The following DMD variants were observed in gnomAD, a reference collection of about 807,000 sequenced individuals.
The protein encoded by DMD is dystrophin, also known as mutant dystrophin.
DMD carries 63 observed loss-of-function variants against 330.1 expected under a neutral mutation model. The ratio of observed to expected loss-of-function variants is 0.19; its 90% CI spans 0.16 to 0.24. The LOEUF is 0.24. Among genes scored for constraint, DMD ranks in the 10% least tolerant of loss-of-function variants. The pLI, the probability that DMD is intolerant of heterozygous loss-of-function variation, is 1.00. For missense variants in DMD, 3,344 were observed against 2,684.1 expected, an observed-to-expected ratio of 1.25 and a Z score of -5.43; for synonymous variants, 1,223 against 959.8, an observed-to-expected ratio of 1.27 and a Z score of -5.07.
At chrX:31,272,785 CCTT>C (rs201599408) in intron 62 of DMD, among the ~76,000 whole-genome samples, 2,467 of 112,285 alleles carry the variant, frequency 0.022, 50 homozygotes, top group African/African-American at 0.065. Flanking sequence ...AAAGATTCCT[CCTT>C]CTTGACTCCA....
rs2052668552 is a variant in DMD, at chrX:32,573,549, G to A, written c.1793C>T (p.Ser598Leu). The change falls in exon 15 of 79, where the codon TCA becomes TTA. Residue 598 changes from serine to leucine, a missense_variant. Physicochemically the swap from Ser to Leu is moderately radical, Grantham distance 145. Transcript: ENST00000357033. Reference sequence around the variant, plus strand: ...ACATACGGCCAGTTTTTGAAGACTTGATAACATTTCATTTTGATCTTTAAA... The same window carrying A: ...ACATACGGCCAGTTTTTGAAGACTTAATAACATTTCATTTTGATCTTTAAA... ...TGFKDQNEML[S>L]SLQKLAVLKA... 8.3e-7 allele frequency: 1 copy of A among 1,210,706 alleles called. No individual in the cohort carries two copies. Among genetic ancestry groups the A allele is most frequent in the Non-Finnish European group, 1.1e-6 (1 of 894,637 alleles).
chrX:31,948,807 T>C (rs1322903730), intron 45 of DMD, among the ~76,000 whole-genome samples: 2 of 112,064 alleles, frequency 1.8e-5, no homozygotes, highest in Admixed American at 9.5e-5. Flanking sequence ...AATAAGCTTT[T>C]CTTCTATTGG....
At chrX:32,357,953 C>T (rs181275735) in intron 37 of DMD, among the ~76,000 whole-genome samples, 2,738 of 109,714 alleles carry the variant, frequency 0.025, 92 homozygotes, top group African/African-American at 0.086. Context: ...GACTGCTAAA[C>T]TCACTTACCA....
At chrX:32,640,495 C>T (rs925971922) in intron 11 of DMD, among the ~76,000 whole-genome samples, 3 of 110,077 alleles carry the variant, frequency 2.7e-5, no homozygotes, top group East Asian at 5.7e-4. Context: ...TCTTGTTTTG[C>T]ATAATTGTTG....
chrX:32,280,144 GTATATATATATATATATACAGTATATA>G (rs1163608596), intron 43 of DMD, among the ~76,000 whole-genome samples: 1,079 of 46,148 alleles, frequency 0.023, 11 homozygotes, highest in Non-Finnish European at 0.037. Context: ...TATATATACA[GTATATATATATATATATACAGTATATA>G]TATATATATA....
chrX:33,295,054 G>T (rs186763173), intron 1 of DMD, among the ~76,000 whole-genome samples: 2 of 111,325 alleles, frequency 1.8e-5, no homozygotes, highest in East Asian at 5.6e-4. Flanking sequence ...ATTTACTATG[G>T]ATTGTGAAAG....
intron 34 of DMD, among the ~76,000 whole-genome samples, chrX:32,377,582 G>C (rs2097908900): frequency 9.0e-6 from 1 of 111,506 alleles, no homozygotes; most frequent in Admixed American, 9.6e-5. Flanking sequence ...ATTAGATATA[G>C]GGCCAAGTAT....
At chrX:31,341,361 G>A (rs1229421429) in intron 61 of DMD, among the ~76,000 whole-genome samples, 1 of 111,323 alleles carries the variant, frequency 9.0e-6, no homozygotes, top group East Asian at 2.8e-4. Context: ...TCTTACAATT[G>A]ACCAAATATG....
chrX:32,888,684 G>T (rs985709146), intron 2 of DMD, among the ~76,000 whole-genome samples: 3 of 111,962 alleles, frequency 2.7e-5, no homozygotes, highest in African/African-American at 9.8e-5. Context: ...AATGACATCA[G>T]TATATCAAGT....
intron 48 of DMD, among the ~76,000 whole-genome samples, chrX:31,867,883 C>T (rs1043941299): frequency 2.7e-5 from 3 of 110,765 alleles, no homozygotes; most frequent in Non-Finnish European, 5.7e-5. Context: ...AATTTCTTGT[C>T]GAATGAATCA....
intron 27 of DMD, among the ~76,000 whole-genome samples, chrX:32,445,333 T>C (rs1427840641): frequency 1.8e-5 from 2 of 110,455 alleles, no homozygotes; most frequent in Non-Finnish European, 3.8e-5. Context: ...GGAACAGCAG[T>C]TGTGAGCAGC....
chrX:33,117,384 G>A (rs2095393057), intron 1 of DMD, among the ~76,000 whole-genome samples: 1 of 110,779 alleles, frequency 9.0e-6, no homozygotes, highest in Admixed American at 9.8e-5. Context: ...AATTATAATG[G>A]CAACTATGTG....
intron 1 of DMD, among the ~76,000 whole-genome samples, chrX:33,053,467 G>A (rs1175065414): frequency 1.8e-5 from 2 of 109,946 alleles, no homozygotes; most frequent in African/African-American, 6.6e-5. Flanking sequence ...ATGGTGGCAC[G>A]CACCTGTAGT....
chrX:32,529,965 TCACTC>T (rs2047326844), intron 17 of DMD, among the ~76,000 whole-genome samples: 2 of 111,336 alleles, frequency 1.8e-5, no homozygotes, highest in South Asian at 7.6e-4. Flanking sequence ...TTTAAGCACA[TCACTC>T]ATAAAATAAT....
At chrX:31,782,972 T>C (rs1281907251) in intron 50 of DMD, among the ~76,000 whole-genome samples, 3 of 111,350 alleles carry the variant, frequency 2.7e-5, no homozygotes, top group Non-Finnish European at 5.7e-5. Context: ...AAGTAGAGTA[T>C]GTAATAATAA....
intron 2 of DMD, among the ~76,000 whole-genome samples, chrX:32,887,255 G>A (rs1273430646): frequency 9.1e-6 from 1 of 110,282 alleles, no homozygotes; most frequent in Non-Finnish European, 1.9e-5. Context: ...GCTGAGGCAG[G>A]AGAATGGTGT....
chrX:33,046,289 G>C (rs1331513150), intron 1 of DMD, among the ~76,000 whole-genome samples: 1 of 111,254 alleles, frequency 9.0e-6, no homozygotes, highest in African/African-American at 3.3e-5. Flanking sequence ...ATTTAATTTA[G>C]CTATAGAAAA....
At chrX:31,360,243 T>C (rs1366157343) in intron 60 of DMD, among the ~76,000 whole-genome samples, 1 of 111,751 alleles carries the variant, frequency 8.9e-6, no homozygotes, top group Non-Finnish European at 1.9e-5. Context: ...TTAATAATTA[T>C]TTTAAAATTG....
intron 37 of DMD, among the ~76,000 whole-genome samples, chrX:32,362,281 T>A (rs1222127402): frequency 1.8e-5 from 1 of 54,548 alleles, no homozygotes; most frequent in East Asian, 7.4e-4. Context: ...GCACAACCAG[T>A]AAAGAGGTAA....
Sources: allele counts gnomAD v4.1 joint callset (sites outside exome capture counted in the v4.1 genomes callset), GRCh38; gene constraint gnomAD v4.1.1; transcripts MANE v1.5; gene names NCBI Gene and HGNC (gene_info 2026-07-23, HGNC 2026-07-21).